Variants in DENND1B observed in about 807,000 individuals in gnomAD.
DENND1B encodes DENN domain containing 1B.
DENND1B carries 59 observed loss-of-function variants against 90.1 expected under a neutral mutation model. The ratio of observed to expected loss-of-function variants is 0.65; its 90% confidence interval spans 0.53 to 0.81. The LOEUF (loss-of-function observed/expected upper bound fraction) is 0.81, where lower values mean the gene tolerates loss of function less well. Ranked by LOEUF, DENND1B falls within the 40% of genes least tolerant of loss-of-function variation. The pLI is 0.00. For synonymous variants in DENND1B, 337 were observed against 324.6 expected, an observed-to-expected ratio of 1.04 and a Z score of -0.41; for missense variants, 862 against 912.6, an observed-to-expected ratio of 0.94 and a Z score of 0.71.
intron 10 of DENND1B, among the ~76,000 whole-genome samples, chr1:197,624,077 T>C (rs1463241604): frequency 6.6e-6 from 1 of 151,566 alleles, no homozygotes; most frequent in Non-Finnish European, 1.5e-5. Flanking sequence ...AAGGTGATTC[T>C]AAAGTTTCTA....
At chr1:197,780,672 C>T (rs1034167543), upstream of DENND1B, among the ~76,000 whole-genome samples, 3 of 152,100 alleles carry the variant, frequency 2.0e-5, no homozygotes, top group South Asian at 4.1e-4. Context: ...CACTTGATTG[C>T]CTGCTCTTCA....
chr1:197,511,093 G>A, intron 22 of DENND1B, 121 bp from the exon 23 acceptor site: 1 of 1,055,814 alleles, frequency 9.5e-7, no homozygotes, highest in Non-Finnish European at 1.3e-6. Flanking sequence ...ATACAGCATT[G>A]AGAGTCAATT....
chr1:197,655,694 G>A (rs1250835791), intron 6 of DENND1B, among the ~76,000 whole-genome samples: 1 of 152,076 alleles, frequency 6.6e-6, no homozygotes, highest in East Asian at 1.9e-4. Context: ...ACCACACCCG[G>A]CTAATTTTTT....
chr1:197,756,468 A>T (rs1284377439), intron 2 of DENND1B, among the ~76,000 whole-genome samples: 1 of 150,480 alleles, frequency 6.6e-6, no homozygotes, highest in Non-Finnish European at 1.5e-5. Flanking sequence ...CCAGCTATTC[A>T]GGAGGCTGAG....
chr1:197,667,066 G>C (rs780108493), intron 5 of DENND1B, among the ~76,000 whole-genome samples: 5 of 151,704 alleles, frequency 3.3e-5, no homozygotes, highest in Admixed American at 6.6e-5. Context: ...CCCGAGAGGC[G>C]GAGGCTACAG....
At chr1:197,687,497 A>C (rs1287967447) in intron 3 of DENND1B, among the ~76,000 whole-genome samples, 3 of 152,150 alleles carry the variant, frequency 2.0e-5, no homozygotes, top group African/African-American at 4.8e-5. Flanking sequence ...ACTTTCCCTT[A>C]ATTAGTAGCA....
At chr1:197,580,473 C>G (rs1674132927) in intron 15 of DENND1B, among the ~76,000 whole-genome samples, 1 of 151,896 alleles carries the variant, frequency 6.6e-6, no homozygotes, top group Non-Finnish European at 1.5e-5. Context: ...GGAATTTTAG[C>G]TGGAAGAATT....
At chr1:197,687,822 C>T (rs777171675) in intron 3 of DENND1B, among the ~76,000 whole-genome samples, 6 of 151,768 alleles carry the variant, frequency 4.0e-5, no homozygotes, top group African/African-American at 9.7e-5. Context: ...CAGAGCAATT[C>T]GGCAATAAAA....
intron 14 of DENND1B, among the ~76,000 whole-genome samples, chr1:197,594,880 T>C (rs865806557): frequency 2.0e-5 from 3 of 152,138 alleles, no homozygotes; most frequent in Non-Finnish European, 4.4e-5. Context: ...AATTTCTTAA[T>C]GATCTTAACA....
intron 20 of DENND1B, among the ~76,000 whole-genome samples, chr1:197,518,961 T>C (rs1358732717): frequency 6.6e-6 from 1 of 151,958 alleles, no homozygotes; most frequent in African/African-American, 2.4e-5. Flanking sequence ...TATACAGGTC[T>C]GCACCATTCA....
At chr1:197,655,739 A>C (rs1370248369) in intron 6 of DENND1B, among the ~76,000 whole-genome samples, 1 of 151,888 alleles carries the variant, frequency 6.6e-6, no homozygotes, top group East Asian at 1.9e-4. Context: ...TCACTGTGTG[A>C]GCCAGGATGG....
chr1:197,715,156 T>TC, intron 2 of DENND1B, 82 bp from the exon 3 acceptor site: 1 of 1,109,366 alleles, frequency 9.0e-7, no homozygotes, highest in South Asian at 1.6e-5. Context: ...ACTCTTAAAA[T>TC]TGTCAAAGCT....
chr1:197,676,543 T>C lies in DENND1B; in HGVS notation c.127-2374A>G, dbSNP rs148736472. ...CAATTTTTCCTTTTTCTACAGACTT[T>C]TGCATTTAAAGAAAACAAGAAAAAT... is the stretch of plus-strand genomic sequence containing the variant. On this transcript the variant is annotated intron_variant, in intron 3 of 22. Transcript: ENST00000620048. Among the ~76,000 whole-genome samples the C allele has an allele frequency of 5.8e-3, 881 of 152,242 alleles. 9 individuals carry two copies. Among genetic ancestry groups the C allele is most frequent in the African/African-American group, 0.02 (815 of 41,560 alleles).
At chr1:197,544,947 A>AG (rs1424926552) in intron 18 of DENND1B, among the ~76,000 whole-genome samples, 6 of 62,190 alleles carry the variant, frequency 9.6e-5, no homozygotes, top group Non-Finnish European at 2.0e-4. Context: ...AGAAGGGAGA[A>AG]GAGAGAAGGG....
intron 3 of DENND1B, among the ~76,000 whole-genome samples, chr1:197,704,623 A>C (rs956746953): frequency 6.6e-6 from 1 of 152,190 alleles, no homozygotes; most frequent in Non-Finnish European, 1.5e-5. Flanking sequence ...TGGTTCCTCA[A>C]TTGCCAAAAG....
At chr1:197,751,867 A>AAGAAGGAGG (rs1266222702) in intron 2 of DENND1B, among the ~76,000 whole-genome samples, 2 of 144,914 alleles carry the variant, frequency 1.4e-5, no homozygotes, top group Non-Finnish European at 3.0e-5. Flanking sequence ...AAGGCAGGGG[A>AAGAAGGAGG]AGAAGGAGGA....
intron 9 of DENND1B, 93 bp downstream of exon 9, chr1:197,645,597 C>T: frequency 1.7e-6 from 1 of 582,284 alleles, no homozygotes; most frequent in Non-Finnish European, 2.8e-6. Context: ...ACAATGTATC[C>T]TATTTCTCTA....
At chr1:197,534,689 T>C (rs1669751189) in intron 20 of DENND1B, among the ~76,000 whole-genome samples, 1 of 152,228 alleles carries the variant, frequency 6.6e-6, no homozygotes, top group Admixed American at 6.5e-5. Context: ...TAAGGTTCTT[T>C]GTAAGATATT....
At chr1:197,575,034 G>A (rs1178773245) in intron 15 of DENND1B, among the ~76,000 whole-genome samples, 7 of 152,104 alleles carry the variant, frequency 4.6e-5, no homozygotes, top group African/African-American at 1.7e-4. Context: ...CATGGGCAAG[G>A]ACTTCATGAC....
Sources: allele counts gnomAD v4.1 joint callset (sites outside exome capture counted in the v4.1 genomes callset), GRCh38; gene constraint gnomAD v4.1.1; transcripts MANE v1.5; gene names NCBI Gene and HGNC (gene_info 2026-07-23, HGNC 2026-07-21).